TENM3: variants seen among roughly 807,000 people sequenced by gnomAD.
TENM3 encodes the protein teneurin transmembrane protein 3.
In TENM3, 63 loss-of-function variants were observed where a neutral mutation model predicts 255.1. The observed-to-expected ratio is 0.25, with a 90% CI of 0.20 to 0.30. TENM3 has a LOEUF of 0.30. TENM3 is among the 10% of genes least tolerant of loss of function. The pLI, the probability that TENM3 is intolerant of heterozygous loss-of-function variation, is 1.00. For missense variants in TENM3, 2,929 were observed against 3,461.1 expected, an observed-to-expected ratio of 0.85 and a Z score of 3.86; for synonymous variants, 1,306 against 1,322.3, an observed-to-expected ratio of 0.99 and a Z score of 0.27.
At chr4:182,387,781 C>T (rs1031102131) in intron 3 of TENM3, among the ~76,000 whole-genome samples, 1 of 151,894 alleles carries the variant, frequency 6.6e-6, no homozygotes, top group Non-Finnish European at 1.5e-5. Flanking sequence ...ACTCCGAACA[C>T]ATCCGAACAT....
chr4:182,576,186 A>G (rs1744898842), intron 3 of TENM3, among the ~76,000 whole-genome samples: 1 of 152,160 alleles, frequency 6.6e-6, no homozygotes, highest in Non-Finnish European at 1.5e-5. Flanking sequence ...TCAGTTCCCT[A>G]GCAAAACCAA....
At chr4:181,454,691 T>TTTTTTTTTTTCC in the TENM3 span, among the ~76,000 whole-genome samples, 1 of 150,246 alleles carries the variant, frequency 6.7e-6, no homozygotes, top group South Asian at 2.1e-4. Context: ...ACTTTTTTTT[T>TTTTTTTTTTTCC]CTGGTGTGCC....
At chr4:182,100,562 CACACATATATAT>C in the TENM3 span, among the ~76,000 whole-genome samples, 16 of 80,252 alleles carry the variant, frequency 2.0e-4, 1 homozygote, top group African/African-American at 7.8e-4. Context: ...CATATATATA[CACACATATATAT>C]ACACATATAT....
intron 24 of TENM3, among the ~76,000 whole-genome samples, chr4:182,788,812 C>G (rs994290913): frequency 6.6e-6 from 1 of 152,208 alleles, no homozygotes; most frequent in Non-Finnish European, 1.5e-5. Flanking sequence ...AGCTCCTGAA[C>G]AAACTTTAAG....
Position 182,653,638 on chromosome 4 carries a change from C to T in TENM3, c.989-133C>T, listed in dbSNP as rs545223644. 37 of 947,352 alleles carry T rather than the reference C, an allele frequency of 3.9e-5. No individual in the cohort carries two copies. The East Asian group carries it at 3.9e-4, about 10-fold the overall frequency. The allele number at this position is 947,352 out of a possible 1,614,324, so 58.7% of individuals were successfully genotyped here. On this transcript the variant is annotated intron_variant, in intron 5 of 27. Coordinates refer to ENST00000511685, the MANE Select transcript of TENM3 (RefSeq NM_001080477.4). ...ACTCTTTGTTTTATAATTTTCATTG[C>T]GCAGTTATCCTTGGTATTTCAGAAA...
At chr4:182,444,966 C>A (rs779450738) in intron 3 of TENM3, among the ~76,000 whole-genome samples, 4 of 152,092 alleles carry the variant, frequency 2.6e-5, no homozygotes, top group Non-Finnish European at 5.9e-5. Flanking sequence ...TGCCAACACA[C>A]CCGGCTAATT....
intron 5 of TENM3, among the ~76,000 whole-genome samples, chr4:182,639,118 A>G (rs1037585325): frequency 2.0e-5 from 3 of 152,210 alleles, no homozygotes; most frequent in Admixed American, 6.5e-5. Flanking sequence ...CTGAATTCAC[A>G]AAGATGAGTA....
intron 7 of TENM3, among the ~76,000 whole-genome samples, chr4:182,676,419 G>T (rs1209868222): frequency 1.3e-5 from 2 of 152,198 alleles, no homozygotes; most frequent in Non-Finnish European, 2.9e-5. Flanking sequence ...TGACCTTGCA[G>T]AGTCCCTTCT....
the TENM3 span, among the ~76,000 whole-genome samples, chr4:181,596,788 G>A: frequency 6.6e-6 from 1 of 152,118 alleles, no homozygotes; most frequent in African/African-American, 2.4e-5. Context: ...GCAGGAACAT[G>A]GATGGAGCTG....
chr4:181,560,720 A>T, the TENM3 span, among the ~76,000 whole-genome samples: 1 of 152,090 alleles, frequency 6.6e-6, no homozygotes, highest in Admixed American at 6.6e-5. Context: ...GCATGACTCT[A>T]CCCGTGAGGA....
chr4:181,767,071 G>C, the TENM3 span, among the ~76,000 whole-genome samples: 1 of 123,530 alleles, frequency 8.1e-6, no homozygotes, highest in Non-Finnish European at 1.7e-5. Flanking sequence ...GCTAACAAGG[G>C]GAAATCCCGT....
the TENM3 span, among the ~76,000 whole-genome samples, chr4:181,865,541 C>T: frequency 6.6e-6 from 1 of 152,122 alleles, no homozygotes; most frequent in Non-Finnish European, 1.5e-5. Context: ...CTGACAGTAC[C>T]GTCACCCGCA....
the TENM3 span, among the ~76,000 whole-genome samples, chr4:182,131,509 T>C: frequency 6.6e-6 from 1 of 152,224 alleles, no homozygotes; most frequent in African/African-American, 2.4e-5. Context: ...TTATCATGAA[T>C]ATATCATATC....
At chr4:182,004,992 C>A in the TENM3 span, among the ~76,000 whole-genome samples, 1 of 152,174 alleles carries the variant, frequency 6.6e-6, no homozygotes. Context: ...GGGTAGATTG[C>A]AAAAATTTTC....
At chr4:182,273,028 G>A (rs1561268663) in intron 1 of TENM3, among the ~76,000 whole-genome samples, 1 of 152,228 alleles carries the variant, frequency 6.6e-6, no homozygotes, top group Non-Finnish European at 1.5e-5. Context: ...GAGGGTTGAG[G>A]AGAGGAGCGT....
the TENM3 span, among the ~76,000 whole-genome samples, chr4:181,686,547 C>T: frequency 6.6e-6 from 1 of 152,106 alleles, no homozygotes; most frequent in Non-Finnish European, 1.5e-5. Flanking sequence ...GTGGAAAACA[C>T]TCTACTAGAT....
At chr4:181,653,470 C>T in the TENM3 span, among the ~76,000 whole-genome samples, 13 of 152,166 alleles carry the variant, frequency 8.5e-5, no homozygotes, top group African/African-American at 2.6e-4. Context: ...AGTGCAATGC[C>T]GCCATCTCGG....
At chr4:181,927,082 C>T in the TENM3 span, among the ~76,000 whole-genome samples, 1 of 152,166 alleles carries the variant, frequency 6.6e-6, no homozygotes, top group African/African-American at 2.4e-5. Context: ...CAAAACCAGG[C>T]AGCTGTTTGG....
intron 1 of TENM3, among the ~76,000 whole-genome samples, chr4:182,217,763 A>AT (rs529915847): frequency 3.3e-5 from 5 of 152,256 alleles, no homozygotes; most frequent in African/African-American, 1.2e-4. Context: ...GACTATTGCT[A>AT]TTTTGTGATA....
Sources: gnomAD v4.1 joint callset for allele counts (sites outside exome capture counted in the v4.1 genomes callset) on GRCh38, gnomAD v4.1.1 for gene constraint, MANE v1.5 for transcripts, NCBI Gene and HGNC (gene_info 2026-07-23, HGNC 2026-07-21) for gene names.